The following AASDHPPT variants were observed in gnomAD, a reference collection of about 807,000 sequenced individuals.
AASDHPPT encodes aminoadipate-semialdehyde dehydrogenase-phosphopantetheinyl transferase.
Under a neutral mutation model 36.4 loss-of-function variants are expected in AASDHPPT, and 23 were observed. The ratio of observed to expected loss-of-function variants is 0.63; its 90% CI spans 0.45 to 0.89. The LOEUF (loss-of-function observed/expected upper bound fraction) is 0.89, where lower values mean the gene tolerates loss of function less well. Ranked by LOEUF, AASDHPPT falls within the 40% of genes least tolerant of loss-of-function variation. The probability of loss-of-function intolerance (pLI) is 0.00; values close to 1 mark genes in which losing one functional copy is unlikely to be tolerated. For missense variants in AASDHPPT, 377 were observed against 378.2 expected (o/e 1.00, Z 0.03); for synonymous variants, 115 against 128.0 (o/e 0.90, Z 0.68).
At chr11:106,083,404 T>A (rs1476386366) in intron 2 of AASDHPPT, among the ~76,000 whole-genome samples, 1 of 152,238 alleles carries the variant, frequency 6.6e-6, no homozygotes, top group Non-Finnish European at 1.5e-5. Flanking sequence ...CTCTACAGTA[T>A]ATGGCCTCTC....
chr11:106,082,412 T>G (rs1169554105), intron 2 of AASDHPPT, among the ~76,000 whole-genome samples: 1 of 152,210 alleles, frequency 6.6e-6, no homozygotes, highest in African/African-American at 2.4e-5. Flanking sequence ...TCTTGCTAAA[T>G]GATGCTAGGC....
chr11:106,088,637 G>A (rs1861221388), intron 2 of AASDHPPT, among the ~76,000 whole-genome samples: 1 of 151,966 alleles, frequency 6.6e-6, no homozygotes, highest in Non-Finnish European at 1.5e-5. Context: ...TCTTTAAGAT[G>A]TTACTTATCA....
chr11:106,078,027 C>T (rs1861082780), intron 1 of AASDHPPT, 134 bp downstream of exon 1: 1 of 1,182,958 alleles, frequency 8.5e-7, no homozygotes, highest in South Asian at 1.6e-5. Flanking sequence ...GCCCGGGCGA[C>T]AGCAGCCGGC....
chr11:106,077,901 A>T lies in AASDHPPT; in HGVS notation c.183+8A>T. The T allele has an allele frequency of 6.2e-7, 1 of 1,613,202 alleles. No homozygotes were observed. Among genetic ancestry groups the T allele is most frequent in the Non-Finnish European group, 8.5e-7 (1 of 1,179,360 alleles). On this transcript the variant is annotated splice_region_variant and intron_variant, in intron 1 of 5. Coordinates refer to ENST00000278618, the MANE Select transcript of AASDHPPT (RefSeq NM_015423.3). The stretch of plus-strand genomic sequence containing the variant: ...GACGCTAAGGCAGCCATGGTACTAC[A>T]GGTCTTTTTTGGTATTTAGAGCCTA...
At chr11:106,081,851 A>T (rs986484417) in intron 2 of AASDHPPT, among the ~76,000 whole-genome samples, 3 of 151,124 alleles carry the variant, frequency 2.0e-5, no homozygotes, top group African/African-American at 7.3e-5. Flanking sequence ...CACTCTGGGG[A>T]CTGTTGTGGG....
chr11:106,083,114 G>C (rs1014881494), intron 2 of AASDHPPT, among the ~76,000 whole-genome samples: 12 of 151,868 alleles, frequency 7.9e-5, no homozygotes, highest in Non-Finnish European at 1.5e-4. Context: ...TTTGTACTCT[G>C]AATTCCTTAC....
At position 106,098,522 on chromosome 11, in the gene AASDHPPT, T is replaced by C. The variant is rs1174332459; in HGVS notation, c.*1615T>C. ...GATTAGTAAAAGAAAAAAATTTGAATGTTTTTTTTTTTTATTTTATTAAGC... is the reference window on the plus strand; with the variant it reads ...GATTAGTAAAAGAAAAAAATTTGAACGTTTTTTTTTTTTATTTTATTAAGC... On this transcript the variant is annotated 3_prime_UTR_variant, in exon 6 of 6. Transcript: ENST00000278618. 6.7e-6 allele frequency: 1 copy of C among 149,030 alleles called. No homozygotes were observed. The highest frequency in any genetic ancestry group is 1.9e-4 in the East Asian group (1 of 5,158). 9.2% of individuals were successfully genotyped at this position (149,030 alleles called of 1,614,324 possible). A position where few individuals can be genotyped will look rare whatever the true frequency, so the allele number is the denominator to read the frequency against.
intron 2 of AASDHPPT, among the ~76,000 whole-genome samples, chr11:106,084,738 T>G (rs1198513532): frequency 6.6e-6 from 1 of 151,958 alleles, no homozygotes; most frequent in African/African-American, 2.4e-5. Context: ...CAAGCAATTC[T>G]TTTGCCTCAG....
chr11:106,081,084 A>G (rs1406352634), intron 2 of AASDHPPT, among the ~76,000 whole-genome samples: 1 of 152,216 alleles, frequency 6.6e-6, no homozygotes, highest in Non-Finnish European at 1.5e-5. Flanking sequence ...TTTGATCACT[A>G]TCACATCTCT....
In AASDHPPT at chr11:106,077,907, T is replaced by G; in HGVS notation, c.183+14T>G. 1 of 1,612,634 alleles carries G rather than the reference T, an allele frequency of 6.2e-7. No homozygotes were observed. The highest frequency in any genetic ancestry group is 8.5e-7 in the Non-Finnish European group (1 of 1,178,956). Reference sequence around the variant, plus strand: ...AAGGCAGCCATGGTACTACAGGTCTTTTTTGGTATTTAGAGCCTAGGAAGC... The same window carrying G: ...AAGGCAGCCATGGTACTACAGGTCTGTTTTGGTATTTAGAGCCTAGGAAGC... On this transcript the variant is annotated intron_variant, in intron 1 of 5. Coordinates refer to ENST00000278618, the MANE Select transcript of AASDHPPT (RefSeq NM_015423.3).
At position 106,098,232 on chromosome 11, in the gene AASDHPPT, T is replaced by A. The variant is rs1302932314; in HGVS notation, c.*1325T>A. On this transcript the variant is annotated 3_prime_UTR_variant, in exon 6 of 6. Transcript: ENST00000278618. ...ATTACAAATAAGATTGTTATGTCAG[T>A]ATTGTTATTGGCTTTTCGTATTCCT... 3 of 152,146 alleles carry A rather than the reference T, an allele frequency of 2.0e-5. No individual in the cohort carries two copies. The highest frequency in any genetic ancestry group is 2.9e-5 in the Non-Finnish European group (2 of 67,990). The allele number at this position is 152,146 out of a possible 1,614,324, so 9.4% of individuals were successfully genotyped here.
chr11:106,079,771 G>A (rs1861114954), intron 2 of AASDHPPT, 79 bp downstream of exon 2: 1 of 1,244,114 alleles, frequency 8.0e-7, no homozygotes, highest in Non-Finnish European at 1.2e-6. Context: ...TCTCAGGCCA[G>A]GAGATGTATT....
At position 106,090,691 on chromosome 11, in the gene AASDHPPT, C is replaced by A; in HGVS notation, c.531+13C>A. 6.3e-7 allele frequency: 1 copy of A among 1,576,196 alleles called. No homozygotes were observed. Among genetic ancestry groups the A allele is most frequent in the Non-Finnish European group, 8.6e-7 (1 of 1,166,290 alleles). On this transcript the variant is annotated intron_variant, in intron 3 of 5. Transcript: ENST00000278618. ...TTATAGGAATTGGGTATAATTCTTT[C>A]TAATTTTGAAAGCAAAAGTCTATAA...
intron 5 of AASDHPPT, among the ~76,000 whole-genome samples, chr11:106,095,526 G>A (rs902987805): frequency 6.6e-6 from 1 of 152,126 alleles, no homozygotes; most frequent in African/African-American, 2.4e-5. Flanking sequence ...TAGGGTCAAA[G>A]ACTCTTAGAT....
At chr11:106,090,720 T>C in intron 3 of AASDHPPT, 42 bp downstream of exon 3, 1 of 1,552,164 alleles carries the variant, frequency 6.4e-7, no homozygotes, top group Non-Finnish European at 8.6e-7. Context: ...TCTATAATGA[T>C]TCCATTATCT....
chr11:106,086,788 T>C (rs1481348002), intron 2 of AASDHPPT, among the ~76,000 whole-genome samples: 1 of 152,180 alleles, frequency 6.6e-6, no homozygotes, highest in East Asian at 1.9e-4. Context: ...ACAAGTCTTC[T>C]AAAAATCAGT....
chr11:106,094,030 G>A (rs1047309904), intron 4 of AASDHPPT: 15 of 152,020 alleles, frequency 9.9e-5, no homozygotes, highest in Admixed American at 2.0e-4. Context: ...TAGTATTCTG[G>A]TTGAGAATGC....
Position 106,097,318 on chromosome 11 carries a change from G to A in AASDHPPT, c.*411G>A, listed in dbSNP as rs775187307. On this transcript the variant is annotated 3_prime_UTR_variant, in exon 6 of 6. Transcript: ENST00000278618. Reference sequence around the variant, plus strand: ...TTGATTTTTTTAAAAACATGGAAACGTACTGTTTTGTAAATTCTTTTTAAC... The same window carrying A: ...TTGATTTTTTTAAAAACATGGAAACATACTGTTTTGTAAATTCTTTTTAAC... 1.3e-4 allele frequency: 22 copies of A among 167,240 alleles called. No individual in the cohort carries two copies. Among genetic ancestry groups the A allele is most frequent in the Non-Finnish European group, 2.4e-4 (19 of 78,954 alleles). 10.4% of individuals were successfully genotyped at this position (167,240 alleles called of 1,614,324 possible).
In AASDHPPT at chr11:106,079,522, A is replaced by T; in HGVS notation, c.239A>T (p.Asn80Ile). The T allele has an allele frequency of 1.2e-6, 2 of 1,614,106 alleles. No individual in the cohort carries two copies. Among genetic ancestry groups the T allele is most frequent in the South Asian group, 2.2e-5 (2 of 91,072 alleles). The change falls in exon 2 of 6, where the codon AAT becomes ATT. Residue 80 changes from asparagine (N) to isoleucine (I), a missense_variant. Transcript: ENST00000278618. ...GCAGAGAAATTGAATATCCCTTGGA[A>T]TCATATTCGTTTGCAAAGAACTGCA... ...LVAEKLNIPW[N>I]HIRLQRTAKG...
Sources: gnomAD v4.1 joint callset for allele counts (sites outside exome capture counted in the v4.1 genomes callset) on GRCh38, gnomAD v4.1.1 for gene constraint, MANE v1.5 for transcripts, NCBI Gene and HGNC (gene_info 2026-07-23, HGNC 2026-07-21) for gene names.